C4BPB: variants seen among roughly 807,000 people sequenced by gnomAD.
The protein encoded by C4BPB is C4b-binding protein beta chain.
Under a neutral mutation model 26.6 loss-of-function variants are expected in C4BPB, and 19 were observed. That is an observed-to-expected ratio of 0.71 (90% CI 0.50 to 1.05). The LOEUF (loss-of-function observed/expected upper bound fraction) is 1.05, where lower values mean the gene tolerates loss of function less well. Ranked by LOEUF, C4BPB falls within the 50% of genes least tolerant of loss-of-function variation. The probability of loss-of-function intolerance (pLI) is 0.00; values close to 1 mark genes in which losing one functional copy is unlikely to be tolerated. For missense variants in C4BPB, 282 were observed against 302.9 expected, an observed-to-expected ratio of 0.93 and a Z score of 0.51; for synonymous variants, 118 against 103.5, an observed-to-expected ratio of 1.14 and a Z score of -0.85.
At chr1:207,091,941 T>G in intron 4 of C4BPB, 121 bp downstream of exon 4, 2 of 801,862 alleles carry the variant, frequency 2.5e-6, no homozygotes, top group Non-Finnish European at 1.9e-6. Flanking sequence ...GCTTAAGATC[T>G]AGCAGACAGC....
rs773888289 is a variant in C4BPB at position 207,090,390 on chromosome 1, C to T, written c.141C>T (p.Tyr47=). 3.0e-5 allele frequency: 49 copies of T among 1,613,812 alleles called. No individual in the cohort carries two copies. The highest frequency in any genetic ancestry group is 5.0e-5 in the Admixed American group (3 of 59,988). ...TGGAAGGACAGATTCTGGGGACTTA[C>T]GTTTGTATCAAGGGCTACCACCTGG... is the stretch of plus-strand genomic sequence containing the variant. ...KEVEGQILGT[Y]VCIKGYHLVG... Residue 47 remains tyrosine (Y), a synonymous_variant, in exon 3 of 7, where the codon TAC becomes TAT. Coordinates refer to ENST00000367078, the MANE Select transcript of C4BPB (RefSeq NM_001017365.3).
Position 207,088,865 on chromosome 1 carries a change from AG to A in C4BPB, c.-130del, listed in dbSNP as rs1213623289. 6.6e-6 allele frequency: 1 copy of A among 152,452 alleles called. No homozygotes were observed. The highest frequency in any genetic ancestry group is 1.5e-5 in the Non-Finnish European group (1 of 68,208). The allele number at this position is 152,452 out of a possible 1,614,324, so 9.4% of individuals were successfully genotyped here. A position where few individuals can be genotyped will look rare whatever the true frequency, so the allele number is the denominator to read the frequency against. On this transcript the variant is annotated 5_prime_UTR_variant, in exon 1 of 7. Coordinates refer to ENST00000367078, the MANE Select transcript of C4BPB (RefSeq NM_001017365.3). ...GCAAGCGAGAACAATGTGTCACTGC[AG>A]GACTTTGGAGCTCTCAGCTTTGGAG...
chr1:207,096,069 C>G (rs530340227), intron 4 of C4BPB: 1 of 210,440 alleles, frequency 4.8e-6, no homozygotes, highest in South Asian at 7.0e-5. Context: ...GTGAGATGGA[C>G]TAATACACTC....
chr1:207,098,298 G>A (rs769366440), intron 6 of C4BPB, 34 bp downstream of exon 6: 1 of 1,282,970 alleles, frequency 7.8e-7, no homozygotes, highest in East Asian at 2.3e-5. Flanking sequence ...CTTGTTCACA[G>A]CTGGATCTCC....
chr1:207,089,779 T>A (rs559897339), intron 2 of C4BPB, among the ~76,000 whole-genome samples, 190 bp downstream of exon 2: 16 of 152,324 alleles, frequency 1.1e-4, no homozygotes, highest in Admixed American at 5.2e-4. Flanking sequence ...ATAACCCTGA[T>A]CTCTGAAGTG....
At position 207,091,820 on chromosome 1, in the gene C4BPB, A is replaced by G. The variant is rs1157277323; in HGVS notation, c.409A>G (p.Arg137Gly). ...ACCTCCCTTTCCCATCTGCAAAAGT[A>G]GTAAGTACAAGAGAAACCATCAAGG... is the stretch of plus-strand genomic sequence containing the variant. ...WAPPFPICKSRDCDPPGNPVH... is the reference protein window; with the variant it reads ...WAPPFPICKSGDCDPPGNPVH... The change falls in exon 4 of 7, where the codon AGG becomes GGG. Residue 137 changes from arginine to glycine, a missense_variant and splice_region_variant. Arg to Gly is a moderately radical substitution (Grantham distance 125). Transcript: ENST00000367078. The G allele has an allele frequency of 6.2e-6, 10 of 1,611,602 alleles. No homozygotes were observed. Among genetic ancestry groups the G allele is most frequent in the Non-Finnish European group, 7.6e-6 (9 of 1,178,722 alleles).
At chr1:207,096,478 T>C (rs764385873) in intron 4 of C4BPB, 44 bp from the exon 5 acceptor site, 2 of 1,164,028 alleles carry the variant, frequency 1.7e-6, no homozygotes, top group South Asian at 1.2e-5. Flanking sequence ...TCATTGAGCG[T>C]GCCTGGCCCT....
intron 4 of C4BPB, among the ~76,000 whole-genome samples, chr1:207,092,375 A>G (rs535667312): frequency 2.0e-5 from 3 of 152,078 alleles, no homozygotes; most frequent in African/African-American, 7.2e-5. Flanking sequence ...TATATATATA[A>G]ATATACCTAT....
intron 4 of C4BPB, among the ~76,000 whole-genome samples, chr1:207,092,351 A>T (rs567155692): frequency 1.3e-5 from 2 of 152,250 alleles, no homozygotes; most frequent in South Asian, 4.1e-4. Flanking sequence ...ATTAAATGCC[A>T]TTTTGTGTGT....
At chr1:207,095,299 A>T (rs1198377930) in intron 4 of C4BPB, 1 of 456,034 alleles carries the variant, frequency 2.2e-6, no homozygotes, top group African/African-American at 2.0e-5. Context: ...AGTTCCACAG[A>T]CTCGTCCTCT....
chr1:207,098,077 A>G (rs1684329007), intron 5 of C4BPB, 73 bp from the exon 6 acceptor site: 2 of 1,145,852 alleles, frequency 1.7e-6, no homozygotes, highest in Non-Finnish European at 2.6e-6. Context: ...CTGAAATACA[A>G]CTACACAAAA....
At position 207,098,256 on chromosome 1, in the gene C4BPB, A is replaced by G. The variant is rs748740280; in HGVS notation, c.610A>G (p.Lys204Glu). ...GGAAGCTCCCAAACCAGAGTGTGAGAAGGCACTTGTAAGTAGGAGGCTCAT... is the reference window on the plus strand; with the variant it reads ...GGAAGCTCCCAAACCAGAGTGTGAGGAGGCACTTGTAAGTAGGAGGCTCAT... Reference protein sequence around the residue: ...IQEAPKPECEKALLAFQESKN... With the variant: ...IQEAPKPECEEALLAFQESKN... The change falls in exon 6 of 7, where the codon AAG (lysine) becomes GAG (glutamate). Residue 204 changes from lysine to glutamate, a missense_variant. Transcript: ENST00000367078. 5.6e-6 allele frequency: 9 copies of G among 1,600,012 alleles called. No individual in the cohort carries two copies. In the East Asian group the frequency reaches 1.6e-4, roughly 28 times the overall value.
Position 207,096,626 on chromosome 1 carries a change from A to C in C4BPB, c.503+11A>C. On this transcript the variant is annotated intron_variant, in intron 5 of 6. Coordinates refer to ENST00000367078, the MANE Select transcript of C4BPB (RefSeq NM_001017365.3). Reference sequence around the variant, plus strand: ...TTACTGTGAAGACAGGTAAGTGAACACAGCCTGTCAAATGCCAGATCTTGC... The same window carrying C: ...TTACTGTGAAGACAGGTAAGTGAACCCAGCCTGTCAAATGCCAGATCTTGC... The C allele has an allele frequency of 6.8e-7, 1 of 1,462,620 alleles. No homozygotes were observed. Among genetic ancestry groups the C allele is most frequent in the Middle Eastern group, 1.8e-4 (1 of 5,690 alleles). The allele number at this position is 1,462,620 out of a possible 1,614,324, so 90.6% of individuals were successfully genotyped here. A position where few individuals can be genotyped will look rare whatever the true frequency, so the allele number is the denominator to read the frequency against.
At chr1:207,093,150 A>C (rs1684105088) in intron 4 of C4BPB, among the ~76,000 whole-genome samples, 1 of 152,218 alleles carries the variant, frequency 6.6e-6, no homozygotes, top group Admixed American at 6.5e-5. Context: ...GATCTATATG[A>C]AAATTTACTG....
chr1:207,090,340 A>AAT lies in C4BPB; in HGVS notation c.93_94dup (p.Ser32IlefsTer26). Reference sequence around the variant, plus strand: ...CTGTCCAGAGCTTCCTCCAGTGGACAATAGCATATTTGTCGCAAAGGAGGT... The same window carrying AAT: ...CTGTCCAGAGCTTCCTCCAGTGGACAATATAGCATATTTGTCGCAAAGGAGGT... On this transcript the variant is annotated frameshift_variant, in exon 3 of 7. Coordinates refer to ENST00000367078, the MANE Select transcript of C4BPB (RefSeq NM_001017365.3). LOFTEE classifies it high-confidence loss of function. The AAT allele has an allele frequency of 1.2e-6, 2 of 1,613,786 alleles. No individual in the cohort carries two copies. The highest frequency in any genetic ancestry group is 1.7e-6 in the Non-Finnish European group (2 of 1,179,878).
At chr1:207,091,872 A>C in intron 4 of C4BPB, 52 bp downstream of exon 4, 1 of 1,445,544 alleles carries the variant, frequency 6.9e-7, no homozygotes, top group Non-Finnish European at 9.4e-7. Context: ...TTAGTAGTCT[A>C]AACTTAGACA....
chr1:207,098,885 C>T (rs542664813), intron 6 of C4BPB, among the ~76,000 whole-genome samples: 15 of 151,676 alleles, frequency 9.9e-5, no homozygotes, highest in African/African-American at 3.4e-4. Flanking sequence ...TGATGAGAGA[C>T]AGTGACAGAT....
intron 3 of C4BPB, among the ~76,000 whole-genome samples, 198 bp downstream of exon 3, chr1:207,090,679 T>C (rs1683992325): frequency 6.6e-6 from 1 of 152,248 alleles, no homozygotes; most frequent in African/African-American, 2.4e-5. Flanking sequence ...ATTAATTCAG[T>C]TGAATTAACA....
intron 6 of C4BPB, 107 bp from the exon 7 acceptor site, chr1:207,099,682 G>C: frequency 1.2e-6 from 1 of 839,542 alleles, no homozygotes. Context: ...AAGCTAGCCT[G>C]GTTCTGAGCC....
Sources: gnomAD v4.1 joint callset for allele counts (sites outside exome capture counted in the v4.1 genomes callset) on GRCh38, gnomAD v4.1.1 for gene constraint, MANE v1.5 for transcripts, NCBI Gene and HGNC (gene_info 2026-07-23, HGNC 2026-07-21) for gene names.